The following OR8U1 variants were observed in gnomAD, a reference collection of about 807,000 sequenced individuals.
OR8U1 encodes the protein olfactory receptor 8U1.
For synonymous variants in OR8U1, 123 were observed against 128.9 expected (o/e 0.95, Z 0.31); for missense variants, 371 against 362.5 (o/e 1.02, Z -0.19).
chr11:56,376,510 A>T lies in OR8U1; in HGVS notation c.887A>T (p.Glu296Val), dbSNP rs1852806596. 6.3e-7 allele frequency: 1 copy of T among 1,598,640 alleles called. No individual in the cohort carries two copies. Among genetic ancestry groups the T allele is most frequent in the Non-Finnish European group, 8.5e-7 (1 of 1,175,740 alleles). ...TTAATCTATAGCCTCCAGAATAAGGAGGTGAAAGAAGCTCTGAAGAAAATC... is the reference window on the plus strand; with the variant it reads ...TTAATCTATAGCCTCCAGAATAAGGTGGTGAAAGAAGCTCTGAAGAAAATC... ...NPLIYSLQNK[E>V]VKEALKKIII... is the part of the protein sequence containing the mutation. Residue 296 changes from glutamate to valine, a missense_variant, in exon 1 of 1, where the codon GAG becomes GTG. Glu to Val is a moderately radical substitution (Grantham distance 121). Coordinates refer to ENST00000302270, the MANE Select transcript of OR8U1 (RefSeq NM_001005204.1).
Position 56,376,102 on chromosome 11 carries a change from C to G in OR8U1, c.479C>G (p.Thr160Ser). ...AGCTTCCTAATGGCACTATTTCACACCATCCTCACCTTCCGCCTCTCCTAT... is the reference window on the plus strand; with the variant it reads ...AGCTTCCTAATGGCACTATTTCACAGCATCCTCACCTTCCGCCTCTCCTAT... Reference protein sequence around the residue: ...SYSFLMALFHTILTFRLSYCH... With the variant: ...SYSFLMALFHSILTFRLSYCH... Residue 160 changes from threonine to serine, a missense_variant, in exon 1 of 1, where the codon ACC becomes AGC. Thr to Ser is a moderately conservative substitution (Grantham distance 58). Coordinates refer to ENST00000302270, the MANE Select transcript of OR8U1 (RefSeq NM_001005204.1). 1 of 1,614,234 alleles carries G rather than the reference C, an allele frequency of 6.2e-7. No individual in the cohort carries two copies. Among genetic ancestry groups the G allele is most frequent in the Non-Finnish European group, 8.5e-7 (1 of 1,180,016 alleles).
chr11:56,376,475 G>A lies in OR8U1; in HGVS notation c.852G>A (p.Met284Ile). 1 of 1,614,152 alleles carries A rather than the reference G, an allele frequency of 6.2e-7. No individual in the cohort carries two copies. The highest frequency in any genetic ancestry group is 8.5e-7 in the Non-Finnish European group (1 of 1,180,018). ...TCTTCTACACAGTGATCATTCCCATGTTGAATCCCTTAATCTATAGCCTCC... is the reference window on the plus strand; with the variant it reads ...TCTTCTACACAGTGATCATTCCCATATTGAATCCCTTAATCTATAGCCTCC... ...ASVFYTVIIP[M>I]LNPLIYSLQN... The change falls in exon 1 of 1, where the codon ATG (methionine) becomes ATA (isoleucine). Residue 284 changes from methionine (M) to isoleucine (I), a missense_variant. Transcript: ENST00000302270.
chr11:56,375,948 A>G lies in OR8U1; in HGVS notation c.325A>G (p.Ile109Val), dbSNP rs12788990. The change falls in exon 1 of 1, where the codon ATA becomes GTA. Residue 109 changes from isoleucine to valine, a missense_variant. Physicochemically the swap from Ile to Val is conservative, Grantham distance 29. Transcript: ENST00000302270. ...ACTGGGCTGCTTTCTCACCTTCATGATATCAGAATCCTTGCTACTGGCTTC... is the reference window on the plus strand; with the variant it reads ...ACTGGGCTGCTTTCTCACCTTCATGGTATCAGAATCCTTGCTACTGGCTTC... The part of the protein sequence containing the change: ...TQLGCFLTFM[I>V]SESLLLASMA... 0.076 allele frequency: 120,484 copies of G among 1,576,054 alleles called. 2,242 individuals are homozygous for G. The highest frequency in any genetic ancestry group is 0.089 in the African/African-American group (6,597 of 73,956).
chr11:56,376,091 A>C lies in OR8U1; in HGVS notation c.468A>C (p.Ala156=), dbSNP rs1320883573. 1.2e-6 allele frequency: 2 copies of C among 1,614,070 alleles called. No homozygotes were observed. Among genetic ancestry groups the C allele is most frequent in the East Asian group, 2.2e-5 (1 of 44,906 alleles). ...CTTATAGCTATAGCTTCCTAATGGCACTATTTCACACCATCCTCACCTTCC... is the reference window on the plus strand; with the variant it reads ...CTTATAGCTATAGCTTCCTAATGGCCCTATTTCACACCATCCTCACCTTCC... The part of the protein sequence containing the change: ...AVPYSYSFLM[A]LFHTILTFRL... The change falls in exon 1 of 1, where the codon GCA becomes GCC. Residue 156 remains alanine (A), a synonymous_variant. Coordinates refer to ENST00000302270, the MANE Select transcript of OR8U1 (RefSeq NM_001005204.1).
Position 56,375,897 on chromosome 11 carries a change from A to T in OR8U1, c.274A>T (p.Ile92Leu). The T allele has an allele frequency of 6.2e-7, 1 of 1,613,668 alleles. No homozygotes were observed. The highest frequency in any genetic ancestry group is 8.5e-7 in the Non-Finnish European group (1 of 1,179,766). The change falls in exon 1 of 1, where the codon ATA (isoleucine) becomes TTA (leucine). Residue 92 changes from isoleucine (I) to leucine (L), a missense_variant. Transcript: ENST00000302270. ...GAATTTCTTGTACAAACAAAATGTT[A>T]TATCCTTTGATGCATGTGCTACTCA... ...LGNFLYKQNV[I>L]SFDACATQLG...
Position 56,375,815 on chromosome 11 carries a change from C to T in OR8U1, c.192C>T (p.Ser64=), listed in dbSNP as rs1852782453. The change falls in exon 1 of 1, where the codon AGC becomes AGT. Residue 64 remains serine, a synonymous_variant. Transcript: ENST00000302270. ...ACACACCAATGTACTTCTTTCTTAG[C>T]AACCTAGCTTTTGTGGATTTCTGTT... ...SLNTPMYFFL[S]NLAFVDFCYS... 1.9e-6 allele frequency: 3 copies of T among 1,614,044 alleles called. No homozygotes were observed. In the African/African-American group the frequency reaches 4.0e-5, roughly 22 times the overall value.
Position 56,375,743 on chromosome 11 carries a change from A to G in OR8U1, c.120A>G (p.Val40=). ...TATCCATCTACCTCTTCACAGTGGTAGGCAACTTGGGTTTGATCCTACTCA... is the reference window on the plus strand; with the variant it reads ...TATCCATCTACCTCTTCACAGTGGTGGGCAACTTGGGTTTGATCCTACTCA... The part of the protein sequence containing the change: ...LFLSIYLFTV[V]GNLGLILLIR... Residue 40 remains valine (V), a synonymous_variant, in exon 1 of 1, where the codon GTA becomes GTG. Transcript: ENST00000302270. The G allele has an allele frequency of 6.2e-7, 1 of 1,614,158 alleles. No homozygotes were observed. Among genetic ancestry groups the G allele is most frequent in the Non-Finnish European group, 8.5e-7 (1 of 1,179,966 alleles).
chr11:56,375,859 C>T lies in OR8U1; in HGVS notation c.236C>T (p.Pro79Leu). The T allele has an allele frequency of 2.5e-6, 4 of 1,614,172 alleles. No individual in the cohort carries two copies. The highest frequency in any genetic ancestry group is 3.4e-6 in the Non-Finnish European group (4 of 1,179,998). Residue 79 changes from proline (P) to leucine (L), a missense_variant, in exon 1 of 1, where the codon CCC becomes CTC. Physicochemically the swap from Pro to Leu is moderately conservative, Grantham distance 98. Transcript: ENST00000302270. Reference sequence around the variant, plus strand: ...TTCTGTTACTCTTCTGTCATTACACCCAAAATGCTTGGGAATTTCTTGTAC... The same window carrying T: ...TTCTGTTACTCTTCTGTCATTACACTCAAAATGCTTGGGAATTTCTTGTAC... Reference protein sequence around the residue: ...VDFCYSSVITPKMLGNFLYKQ... With the variant: ...VDFCYSSVITLKMLGNFLYKQ...
chr11:56,375,940 C>A lies in OR8U1; in HGVS notation c.317C>A (p.Thr106Asn). 6.2e-7 allele frequency: 1 copy of A among 1,613,658 alleles called. No homozygotes were observed. Among genetic ancestry groups the A allele is most frequent in the Non-Finnish European group, 8.5e-7 (1 of 1,179,718 alleles). ...ACATQLGCFL[T>N]FMISESLLLA... ...GCTACTCAACTGGGCTGCTTTCTCA[C>A]CTTCATGATATCAGAATCCTTGCTA... The change falls in exon 1 of 1, where the codon ACC (threonine) becomes AAC (asparagine). Residue 106 changes from threonine to asparagine, a missense_variant. Coordinates refer to ENST00000302270, the MANE Select transcript of OR8U1 (RefSeq NM_001005204.1).
Position 56,376,092 on chromosome 11 carries a change from C to G in OR8U1, c.469C>G (p.Leu157Val). 1 of 1,614,208 alleles carries G rather than the reference C, an allele frequency of 6.2e-7. No individual in the cohort carries two copies. Among genetic ancestry groups the G allele is most frequent in the Non-Finnish European group, 8.5e-7 (1 of 1,180,000 alleles). Residue 157 changes from leucine (L) to valine (V), a missense_variant, in exon 1 of 1, where the codon CTA (leucine) becomes GTA (valine). By Grantham distance (32) the Leu-to-Val change is conservative (BLOSUM62 1). Transcript: ENST00000302270. Reference protein sequence around the residue: ...VPYSYSFLMALFHTILTFRLS... With the variant: ...VPYSYSFLMAVFHTILTFRLS... ...TTATAGCTATAGCTTCCTAATGGCACTATTTCACACCATCCTCACCTTCCG... is the reference window on the plus strand; with the variant it reads ...TTATAGCTATAGCTTCCTAATGGCAGTATTTCACACCATCCTCACCTTCCG...
chr11:56,376,308 C>T lies in OR8U1; in HGVS notation c.685C>T (p.His229Tyr), dbSNP rs76325618. 1.6e-3 allele frequency: 2,434 copies of T among 1,526,722 alleles called. 6 individuals carry two copies. In the African/African-American group the frequency reaches 0.029, roughly 18 times the overall value. 94.6% of individuals were successfully genotyped at this position (1,526,722 alleles called of 1,614,324 possible). A position where few individuals can be genotyped will look rare whatever the true frequency, so the allele number is the denominator to read the frequency against. Residue 229 changes from histidine to tyrosine, a missense_variant, in exon 1 of 1, where the codon CAT (histidine) becomes TAT (tyrosine). His to Tyr is a moderately conservative substitution (Grantham distance 83). Transcript: ENST00000302270. ...CATCATTTCTGCCATCCTGAGGATG[C>T]ATTCAGCTGAGGGAAGACAGAAGGC... ...MFIISAILRM[H>Y]SAEGRQKAFS... is the part of the protein sequence containing the mutation.
rs140673261 is a variant in OR8U1 at position 56,376,443 on chromosome 11, G to A, written c.820G>A (p.Ala274Thr). 225 of 1,614,256 alleles carry A rather than the reference G, an allele frequency of 1.4e-4. 1 individual carries two copies. In the African/African-American group the frequency reaches 2.5e-3, roughly 18 times the overall value. The change falls in exon 1 of 1, where the codon GCC (alanine) becomes ACC (threonine). Residue 274 changes from alanine (A) to threonine (T), a missense_variant. Transcript: ENST00000302270. ...CCATGCCCTGGACACAGACAAGATG[G>A]CCTCTGTCTTCTACACAGTGATCAT... is the stretch of plus-strand genomic sequence containing the variant. ...SSHALDTDKMASVFYTVIIPM... is the reference protein window; with the variant it reads ...SSHALDTDKMTSVFYTVIIPM...
chr11:56,376,532 A>C lies in OR8U1; in HGVS notation c.909A>C (p.Lys303Asn). 6.4e-7 allele frequency: 1 copy of C among 1,573,216 alleles called. No homozygotes were observed. Among genetic ancestry groups the C allele is most frequent in the African/African-American group, 1.4e-5 (1 of 72,918 alleles). ...AGGAGGTGAAAGAAGCTCTGAAGAA[A>C]ATCATTATCAATAAAAACTAGAGTT... ...QNKEVKEALK[K>N]IIINKN The change falls in exon 1 of 1, where the codon AAA (lysine) becomes AAC (asparagine). Residue 303 changes from lysine (K) to asparagine (N), a missense_variant. By Grantham distance (94) the Lys-to-Asn change is moderately conservative. Coordinates refer to ENST00000302270, the MANE Select transcript of OR8U1 (RefSeq NM_001005204.1).
Position 56,376,307 on chromosome 11 carries a change from GCA to G in OR8U1, c.685_686del (p.His229PhefsTer3). On this transcript the variant is annotated frameshift_variant, in exon 1 of 1. Coordinates refer to ENST00000302270, the MANE Select transcript of OR8U1 (RefSeq NM_001005204.1). LOFTEE classifies it high-confidence loss of function. ...TCATCATTTCTGCCATCCTGAGGAT[GCA>G]TTCAGCTGAGGGAAGACAGAAGGCT... The part of the protein sequence containing the change: ...MFIISAILRM[H>X]SAEGRQKAFS... The G allele has an allele frequency of 6.2e-7, 1 of 1,614,184 alleles. No homozygotes were observed. The highest frequency in any genetic ancestry group is 2.2e-5 in the East Asian group (1 of 44,886).
chr11:56,375,741 G>A lies in OR8U1; in HGVS notation c.118G>A (p.Val40Ile), dbSNP rs1338785161. Residue 40 changes from valine to isoleucine, a missense_variant, in exon 1 of 1, where the codon GTA becomes ATA. Val to Ile is a conservative substitution (Grantham distance 29). Coordinates refer to ENST00000302270, the MANE Select transcript of OR8U1 (RefSeq NM_001005204.1). ...CTTATCCATCTACCTCTTCACAGTG[G>A]TAGGCAACTTGGGTTTGATCCTACT... ...LFLSIYLFTVVGNLGLILLIR... is the reference protein window; with the variant it reads ...LFLSIYLFTVIGNLGLILLIR... 6.2e-7 allele frequency: 1 copy of A among 1,614,154 alleles called. No homozygotes were observed. The highest frequency in any genetic ancestry group is 8.5e-7 in the Non-Finnish European group (1 of 1,179,968).
chr11:56,376,440 A>G lies in OR8U1; in HGVS notation c.817A>G (p.Met273Val). The part of the protein sequence containing the change: ...SSSHALDTDK[M>V]ASVFYTVIIP... ...TAGCCATGCCCTGGACACAGACAAG[A>G]TGGCCTCTGTCTTCTACACAGTGAT... Residue 273 changes from methionine to valine, a missense_variant, in exon 1 of 1, where the codon ATG (methionine) becomes GTG (valine). Transcript: ENST00000302270. 1 of 1,614,278 alleles carries G rather than the reference A, an allele frequency of 6.2e-7. No individual in the cohort carries two copies. The highest frequency in any genetic ancestry group is 1.3e-5 in the African/African-American group (1 of 75,084).
Position 56,376,467 on chromosome 11 carries a change from A to C in OR8U1, c.844A>C (p.Ile282Leu), listed in dbSNP as rs144372898. 91 of 1,614,226 alleles carry C rather than the reference A, an allele frequency of 5.6e-5. No homozygotes were observed. The highest frequency in any genetic ancestry group is 4.9e-4 in the Middle Eastern group (3 of 6,062). ...KMASVFYTVI[I>L]PMLNPLIYSL... ...GGCCTCTGTCTTCTACACAGTGATC[A>C]TTCCCATGTTGAATCCCTTAATCTA... The change falls in exon 1 of 1, where the codon ATT becomes CTT. Residue 282 changes from isoleucine (I) to leucine (L), a missense_variant. By Grantham distance (5) the Ile-to-Leu change is conservative. Coordinates refer to ENST00000302270, the MANE Select transcript of OR8U1 (RefSeq NM_001005204.1).
rs753630573 is a variant in OR8U1, at chr11:56,375,981, T to A, written c.358T>A (p.Tyr120Asn). Residue 120 changes from tyrosine to asparagine, a missense_variant, in exon 1 of 1, where the codon TAT becomes AAT. Physicochemically the swap from Tyr to Asn is moderately radical, Grantham distance 143 (BLOSUM62 -2). Transcript: ENST00000302270. ...ATCCTTGCTACTGGCTTCCATGGCC[T>A]ATGACCGATATGTGGCCATTTGTAA... ...SESLLLASMA[Y>N]DRYVAICNPL... 1.6e-5 allele frequency: 26 copies of A among 1,614,026 alleles called. No homozygotes were observed. The highest frequency in any genetic ancestry group is 2.0e-5 in the Non-Finnish European group (24 of 1,179,996).
Position 56,376,356 on chromosome 11 carries a change from A to G in OR8U1, c.733A>G (p.Met245Val). 6.2e-7 allele frequency: 1 copy of G among 1,614,276 alleles called. No individual in the cohort carries two copies. Among genetic ancestry groups the G allele is most frequent in the Non-Finnish European group, 8.5e-7 (1 of 1,180,038 alleles). ...GGCTTTCTCGACGTGTGGCTCTCAC[A>G]TGCTGGCAGTCACCATATTCTATGG... Reference protein sequence around the residue: ...QKAFSTCGSHMLAVTIFYGTL... With the variant: ...QKAFSTCGSHVLAVTIFYGTL... The change falls in exon 1 of 1, where the codon ATG becomes GTG. Residue 245 changes from methionine (M) to valine (V), a missense_variant. Met to Val is a conservative substitution (Grantham distance 21, BLOSUM62 1). Coordinates refer to ENST00000302270, the MANE Select transcript of OR8U1 (RefSeq NM_001005204.1).
Sources: allele counts gnomAD v4.1 joint callset, GRCh38; gene constraint gnomAD v4.1.1; transcripts MANE v1.5; gene names NCBI Gene and HGNC (gene_info 2026-07-23, HGNC 2026-07-21).